Variants in ANGPT2 observed in about 807,000 individuals in gnomAD.
ANGPT2 encodes the protein angiopoietin 2.
ANGPT2 carries 28 observed loss-of-function variants against 62.9 expected under a neutral mutation model. The observed-to-expected ratio is 0.44, with a 90% CI of 0.33 to 0.61. ANGPT2 has a LOEUF of 0.61. Among genes scored for constraint, ANGPT2 ranks in the 20% least tolerant of loss-of-function variants. The pLI is 0.03. For missense variants in ANGPT2, 727 were observed against 594.9 expected, an observed-to-expected ratio of 1.22 and a Z score of -2.31; for synonymous variants, 284 against 207.8, an observed-to-expected ratio of 1.37 and a Z score of -3.15.
intron 3 of ANGPT2, among the ~76,000 whole-genome samples, chr8:6,525,285 G>T (rs983717826): frequency 6.6e-6 from 1 of 152,138 alleles, no homozygotes; most frequent in Non-Finnish European, 1.5e-5. Context: ...GGAGAGATGG[G>T]GGTCTGTCTT....
intron 2 of ANGPT2, among the ~76,000 whole-genome samples, chr8:6,530,012 T>C (rs1314443496): frequency 6.6e-6 from 1 of 152,088 alleles, no homozygotes; most frequent in Non-Finnish European, 1.5e-5. Flanking sequence ...TATTATTTTT[T>C]ATTTTTTTAA....
intron 3 of ANGPT2, among the ~76,000 whole-genome samples, chr8:6,525,191 T>C (rs1411365394): frequency 4.6e-5 from 7 of 152,210 alleles, no homozygotes; most frequent in Non-Finnish European, 1.0e-4. Flanking sequence ...TAACAATCAG[T>C]ATTAATAATA....
intron 3 of ANGPT2, among the ~76,000 whole-genome samples, chr8:6,522,030 T>C (rs1817446487): frequency 6.6e-6 from 1 of 152,122 alleles, no homozygotes; most frequent in East Asian, 1.9e-4. Flanking sequence ...ACCTAGGTCA[T>C]GGGGTTGGTG....
At chr8:6,556,916 C>A (rs1403165599) in intron 1 of ANGPT2, among the ~76,000 whole-genome samples, 1 of 152,148 alleles carries the variant, frequency 6.6e-6, no homozygotes, top group Non-Finnish European at 1.5e-5. Flanking sequence ...CCTCTGACTT[C>A]TTCTAGGCAC....
At chr8:6,542,797 G>A (rs762520871) in intron 1 of ANGPT2, among the ~76,000 whole-genome samples, 1 of 152,078 alleles carries the variant, frequency 6.6e-6, no homozygotes, top group Admixed American at 6.6e-5. Context: ...GAAGTGGGCA[G>A]TTTTTTTCTT....
intron 3 of ANGPT2, among the ~76,000 whole-genome samples, chr8:6,524,598 C>T (rs1479435276): frequency 1.3e-5 from 2 of 152,176 alleles, no homozygotes; most frequent in African/African-American, 2.4e-5. Context: ...TGAACACCTA[C>T]CATGTACGAG....
chr8:6,530,508 C>CAAAAAA, intron 2 of ANGPT2, among the ~76,000 whole-genome samples: 1 of 98,050 alleles, frequency 1.0e-5, no homozygotes, highest in Non-Finnish European at 2.0e-5. Context: ...GACTCTGTCT[C>CAAAAAA]AAAAAAAAAA....
At chr8:6,523,286 C>A (rs1817713026) in intron 3 of ANGPT2, among the ~76,000 whole-genome samples, 1 of 152,096 alleles carries the variant, frequency 6.6e-6, no homozygotes, top group Non-Finnish European at 1.5e-5. Context: ...CATGAGCCAC[C>A]ACGCCTGGCA....
intron 1 of ANGPT2, among the ~76,000 whole-genome samples, chr8:6,557,797 G>C (rs1433668853): frequency 1.3e-5 from 2 of 152,006 alleles, no homozygotes; most frequent in African/African-American, 2.4e-5. Flanking sequence ...ATTGTGAACA[G>C]CTAATTGGAA....
intron 5 of ANGPT2, among the ~76,000 whole-genome samples, chr8:6,515,447 C>T (rs1403977863): frequency 6.6e-6 from 1 of 152,184 alleles, no homozygotes; most frequent in Admixed American, 6.5e-5. Flanking sequence ...CTTCACGCTT[C>T]TCTGTACATA....
At chr8:6,555,832 A>G (rs890747619) in intron 1 of ANGPT2, among the ~76,000 whole-genome samples, 1 of 152,204 alleles carries the variant, frequency 6.6e-6, no homozygotes, top group African/African-American at 2.4e-5. Flanking sequence ...CACCAATTCT[A>G]TTACAAGGTG....
chr8:6,514,906 G>A (rs1054529601), intron 5 of ANGPT2, 128 bp from the exon 6 acceptor site: 12 of 681,948 alleles, frequency 1.8e-5, no homozygotes, highest in South Asian at 7.4e-5. Flanking sequence ...TATAAGGCAC[G>A]GAGTAGACCA....
At chr8:6,527,505 T>A in intron 3 of ANGPT2, 50 bp downstream of exon 3, 1 of 1,587,350 alleles carries the variant, frequency 6.3e-7, no homozygotes, top group Non-Finnish European at 8.6e-7. Flanking sequence ...GACTTTCATA[T>A]CTGGAAAGTG....
chr8:6,508,651 AG>A (rs1235322349), intron 8 of ANGPT2: 8 of 586,812 alleles, frequency 1.4e-5, no homozygotes, highest in Non-Finnish European at 2.4e-5. Flanking sequence ...GCACAAACGC[AG>A]GAGAGCTTGC....
Position 6,532,343 on chromosome 8 carries a change from C to T in ANGPT2, c.433G>A (p.Val145Met), listed in dbSNP as rs779505127. 6.8e-6 allele frequency: 11 copies of T among 1,614,136 alleles called. No individual in the cohort carries two copies. Among genetic ancestry groups the T allele is most frequent in the African/African-American group, 1.3e-5 (1 of 75,034 alleles). Residue 145 changes from valine (V) to methionine (M), a missense_variant, in exon 2 of 9, where the codon GTG becomes ATG. Coordinates refer to ENST00000629816, the MANE Select transcript of ANGPT2 (RefSeq NM_001118887.2). Reference protein sequence around the residue: ...TAEQTRKLTDVEAQVLNQTTR... With the variant: ...TAEQTRKLTDMEAQVLNQTTR... The stretch of plus-strand genomic sequence containing the variant: ...GTGGCATTACTTACTTGGGCTTCCA[C>T]ATCAGTTAACTTCCGCGTTTGCTCC...
intron 2 of ANGPT2, among the ~76,000 whole-genome samples, chr8:6,532,090 C>G (rs1819627661): frequency 6.6e-6 from 1 of 152,194 alleles, no homozygotes; most frequent in South Asian, 2.1e-4. Context: ...ATGAAAATGA[C>G]TCACATGTCT....
At chr8:6,505,964 CATACATATTCTTTGTATAT>C (rs1813622467) in intron 8 of ANGPT2, among the ~76,000 whole-genome samples, 1 of 1,512 alleles carries the variant, frequency 6.6e-4, no homozygotes, top group African/African-American at 9.4e-4. Context: ...TATATAAAAA[CATACATATTCTTTGTATAT>C]ATAAAAACAT....
intron 8 of ANGPT2, among the ~76,000 whole-genome samples, chr8:6,505,325 AT>A (rs540134558): frequency 7.1e-5 from 4 of 55,992 alleles, no homozygotes; most frequent in Admixed American, 5.1e-4. Context: ...TATATGTTAT[AT>A]ACATATAGAA....
intron 3 of ANGPT2, among the ~76,000 whole-genome samples, chr8:6,525,568 G>A (rs1036507806): frequency 5.3e-5 from 8 of 152,096 alleles, no homozygotes; most frequent in African/African-American, 1.9e-4. Context: ...CACTTTTGGG[G>A]AATTATAAAA....
Sources: gnomAD v4.1 joint callset for allele counts (sites outside exome capture counted in the v4.1 genomes callset) on GRCh38, gnomAD v4.1.1 for gene constraint, MANE v1.5 for transcripts, NCBI Gene and HGNC (gene_info 2026-07-23, HGNC 2026-07-21) for gene names.